HDAC9: variants seen among roughly 807,000 people sequenced by gnomAD.
HDAC9 encodes the protein histone deacetylase 9.
Under a neutral mutation model 139.4 loss-of-function variants are expected in HDAC9, and 41 were observed. The observed-to-expected ratio is 0.29, with a 90% CI of 0.23 to 0.38. HDAC9 has a LOEUF of 0.38. Ranked by LOEUF, HDAC9 falls within the 10% of genes least tolerant of loss-of-function variation. HDAC9 has a pLI of 1.00. For synonymous variants in HDAC9, 517 were observed against 476.2 expected (o/e 1.09, Z -1.12); for missense variants, 1,147 against 1,297.0 (o/e 0.88, Z 1.78).
chr7:18,719,562 A>G (rs1784983885), intron 12 of HDAC9, among the ~76,000 whole-genome samples: 1 of 149,292 alleles, frequency 6.7e-6, no homozygotes, highest in East Asian at 2.0e-4. Flanking sequence ...CTTGTCTTGA[A>G]CTCCTGACCT....
intron 2 of HDAC9, among the ~76,000 whole-genome samples, chr7:18,533,714 TACTC>T (rs1462907578): frequency 6.6e-6 from 1 of 152,188 alleles, no homozygotes; most frequent in Non-Finnish European, 1.5e-5. Flanking sequence ...AGTATTTAGA[TACTC>T]ACTCGAATTA....
intron 2 of HDAC9, among the ~76,000 whole-genome samples, chr7:18,533,887 T>C (rs1206955079): frequency 1.3e-5 from 2 of 152,204 alleles, no homozygotes; most frequent in Non-Finnish European, 2.9e-5. Flanking sequence ...TTTAGTGACA[T>C]TTTAATTTAA....
chr7:18,104,737 C>T (rs373300015), intron 1 of HDAC9, among the ~76,000 whole-genome samples: 1 of 152,174 alleles, frequency 6.6e-6, no homozygotes, highest in South Asian at 2.1e-4. Flanking sequence ...TAATTCACTC[C>T]CTCAGTGTGG....
intron 1 of HDAC9, among the ~76,000 whole-genome samples, chr7:18,118,949 C>T (rs1455814326): frequency 2.0e-5 from 3 of 152,106 alleles, no homozygotes; most frequent in South Asian, 4.1e-4. Context: ...GGCATGAGTA[C>T]CCCATTTTTG....
intron 6 of HDAC9, among the ~76,000 whole-genome samples, chr7:18,613,907 A>G (rs1837869636): frequency 6.6e-6 from 1 of 152,060 alleles, no homozygotes; most frequent in Admixed American, 6.6e-5. Flanking sequence ...CCTTTCATTC[A>G]TCTGCTTTAC....
intron 2 of HDAC9, among the ~76,000 whole-genome samples, chr7:18,519,390 T>C (rs1312238682): frequency 6.6e-6 from 1 of 152,164 alleles, no homozygotes; most frequent in Admixed American, 6.6e-5. Context: ...TTAATATCTA[T>C]AAAGCAGAAA....
intron 14 of HDAC9, among the ~76,000 whole-genome samples, chr7:18,755,710 A>G (rs1007923940): frequency 1.3e-5 from 2 of 152,078 alleles, no homozygotes; most frequent in Admixed American, 6.6e-5. Flanking sequence ...TAAAACTTAA[A>G]AAAATAGAGA....
intron 2 of HDAC9, among the ~76,000 whole-genome samples, chr7:18,257,038 G>A (rs1037182889): frequency 6.6e-6 from 1 of 151,968 alleles, no homozygotes; most frequent in Non-Finnish European, 1.5e-5. Context: ...AGAGTGAACC[G>A]TGATTATACC....
intron 25 of HDAC9, among the ~76,000 whole-genome samples, chr7:18,979,587 G>T (rs902927882): frequency 6.6e-6 from 1 of 152,102 alleles, no homozygotes; most frequent in Non-Finnish European, 1.5e-5. Flanking sequence ...AAATAGCTGC[G>T]AATGGGTAAT....
At chr7:18,943,205 A>C (rs1782140477) in intron 23 of HDAC9, among the ~76,000 whole-genome samples, 1 of 152,068 alleles carries the variant, frequency 6.6e-6, no homozygotes, top group Non-Finnish European at 1.5e-5. Context: ...ACAGCCCTGA[A>C]CGAACTTCCC....
chr7:18,548,854 G>C (rs1400976339), intron 2 of HDAC9, among the ~76,000 whole-genome samples: 2 of 152,198 alleles, frequency 1.3e-5, no homozygotes, highest in African/African-American at 4.8e-5. Context: ...ATGCTAGTGA[G>C]GATGTGGATA....
intron 13 of HDAC9, among the ~76,000 whole-genome samples, chr7:18,745,531 C>CTTTTTTT: frequency 1.1e-5 from 1 of 90,486 alleles, no homozygotes; most frequent in Non-Finnish European, 2.1e-5. Context: ...ACTCTCTACT[C>CTTTTTTT]TTTTTTTTTT....
chr7:18,378,754 A>G (rs750239332), intron 1 of HDAC9, among the ~76,000 whole-genome samples: 1 of 152,168 alleles, frequency 6.6e-6, no homozygotes, highest in Admixed American at 6.5e-5. Flanking sequence ...TGCATAGCCC[A>G]TACCAAAACA....
intron 2 of HDAC9, among the ~76,000 whole-genome samples, chr7:18,530,615 A>G (rs1338715387): frequency 1.3e-5 from 2 of 152,032 alleles, no homozygotes; most frequent in Middle Eastern, 3.2e-3. Context: ...CTTATTTTAC[A>G]TTCATTAACT....
At position 18,978,949 on chromosome 7, in the gene HDAC9, T is replaced by TG. The variant is rs577791104; in HGVS notation, c.3170+2996_3170+2997insG. Among the ~76,000 whole-genome samples, 389 of 150,786 alleles carry TG rather than the reference T, an allele frequency of 2.6e-3. 3 individuals carry two copies. Among genetic ancestry groups the TG allele is most frequent in the African/African-American group, 7.7e-3 (315 of 41,070 alleles). On this transcript the variant is annotated intron_variant, in intron 25 of 25. Transcript: ENST00000686413. Reference sequence around the variant, plus strand: ...AACTTGGTGACTTTGTGTGTGTGTGTTTTTTTTTTAACTAACACAAAAACC... The same window carrying TG: ...AACTTGGTGACTTTGTGTGTGTGTGTGTTTTTTTTTAACTAACACAAAAACC...
intron 2 of HDAC9, among the ~76,000 whole-genome samples, chr7:18,233,621 T>G (rs1229267510): frequency 6.6e-6 from 1 of 152,160 alleles, no homozygotes; most frequent in Non-Finnish European, 1.5e-5. Flanking sequence ...TCAGCAGGAC[T>G]TTTGTGACTA....
chr7:18,723,939 G>A (rs541487868), intron 12 of HDAC9, among the ~76,000 whole-genome samples: 1 of 152,200 alleles, frequency 6.6e-6, no homozygotes, highest in South Asian at 2.1e-4. Flanking sequence ...ATAAAATGCA[G>A]CAGAAAATAA....
At chr7:18,887,049 A>C (rs1009331334) in intron 22 of HDAC9, among the ~76,000 whole-genome samples, 1 of 152,256 alleles carries the variant, frequency 6.6e-6, no homozygotes, top group African/African-American at 2.4e-5. Flanking sequence ...TATGTGACCA[A>C]GAATCAGCTA....
chr7:18,127,717 C>A (rs1562648796), intron 1 of HDAC9, among the ~76,000 whole-genome samples: 1 of 151,906 alleles, frequency 6.6e-6, no homozygotes, highest in African/African-American at 2.4e-5. Context: ...ATTTTTAGAC[C>A]CTGTGCAAAG....
Sources: gnomAD v4.1 joint callset for allele counts (sites outside exome capture counted in the v4.1 genomes callset) on GRCh38, gnomAD v4.1.1 for gene constraint, MANE v1.5 for transcripts, NCBI Gene and HGNC (gene_info 2026-07-23, HGNC 2026-07-21) for gene names.